Variants in SLC17A5 observed in about 807,000 individuals in gnomAD.
SLC17A5 encodes sialin.
In SLC17A5, 47 loss-of-function variants were observed where a neutral mutation model predicts 59.4. That is an observed-to-expected ratio of 0.79 (90% CI 0.63 to 1.01). SLC17A5 has a LOEUF of 1.01. SLC17A5 is among the 50% of genes least tolerant of loss of function. The probability of loss-of-function intolerance (pLI) is 0.00; values close to 1 mark genes in which losing one functional copy is unlikely to be tolerated. For synonymous variants in SLC17A5, 202 were observed against 210.7 expected, an observed-to-expected ratio of 0.96 and a Z score of 0.36; for missense variants, 522 against 595.5, an observed-to-expected ratio of 0.88 and a Z score of 1.28.
chr6:73,618,621 G>A, intron 7 of SLC17A5: 1 of 441,158 alleles, frequency 2.3e-6, no homozygotes, highest in Non-Finnish European at 4.3e-6. Context: ...CAAGATGAGT[G>A]GAAAACCATC....
chr6:73,608,818 C>G (rs13207097), intron 9 of SLC17A5, among the ~76,000 whole-genome samples: 2 of 152,076 alleles, frequency 1.3e-5, no homozygotes, highest in Non-Finnish European at 2.9e-5. Context: ...GAGACTGAGA[C>G]CACCCTGGGC....
At chr6:73,623,855 G>A (rs142660268) in intron 6 of SLC17A5, among the ~76,000 whole-genome samples, 78 of 151,532 alleles carry the variant, frequency 5.1e-4, no homozygotes, top group African/African-American at 1.8e-3. Flanking sequence ...GTGCCACCAT[G>A]TCTGGCAAAT....
Position 73,635,531 on chromosome 6 carries a change from A to G in SLC17A5, c.701-31T>C, listed in dbSNP as rs113106359. On this transcript the variant is annotated intron_variant, in intron 5 of 10. Transcript: ENST00000355773. ...AATAGAAAAATAATAGTTAGATAAAATTAGAATGTACCAAATAACAAACAA... is the reference window on the plus strand; with the variant it reads ...AATAGAAAAATAATAGTTAGATAAAGTTAGAATGTACCAAATAACAAACAA... The G allele has an allele frequency of 7.7e-5, 83 of 1,083,604 alleles. No homozygotes were observed. In the African/African-American group the frequency reaches 1.2e-3, roughly 16 times the overall value. The allele number at this position is 1,083,604 out of a possible 1,614,324, so 67.1% of individuals were successfully genotyped here. A position where few individuals can be genotyped will look rare whatever the true frequency, so the allele number is the denominator to read the frequency against.
At chr6:73,629,759 G>A (rs1768608174) in intron 6 of SLC17A5, among the ~76,000 whole-genome samples, 1 of 151,820 alleles carries the variant, frequency 6.6e-6, no homozygotes, top group Non-Finnish European at 1.5e-5. Context: ...TGGGCAACAA[G>A]AGAACAAGAG....
chr6:73,636,735 A>T, intron 4 of SLC17A5, 28 bp from the exon 5 acceptor site: 2 of 1,515,954 alleles, frequency 1.3e-6, no homozygotes, highest in Non-Finnish European at 1.8e-6. Flanking sequence ...ACTATTTTAT[A>T]AACTTTGGAG....
At chr6:73,653,270 T>A (rs1769952373) in intron 1 of SLC17A5, 7 of 985,382 alleles carry the variant, frequency 7.1e-6, no homozygotes, top group Non-Finnish European at 8.4e-6. Context: ...AGCTACCAGG[T>A]CACATGCTGG....
At chr6:73,611,486 GC>G (rs1408582326) in intron 8 of SLC17A5, among the ~76,000 whole-genome samples, 7 of 151,920 alleles carry the variant, frequency 4.6e-5, no homozygotes, top group Non-Finnish European at 8.8e-5. Context: ...CGCCATGTTG[GC>G]CAGGCCGTTC....
At chr6:73,611,243 G>A (rs1048834771) in intron 8 of SLC17A5, among the ~76,000 whole-genome samples, 1 of 152,068 alleles carries the variant, frequency 6.6e-6, no homozygotes, top group African/African-American at 2.4e-5. Context: ...GCAAGACCTT[G>A]TTTCTTAAAA....
At chr6:73,597,503 G>A (rs1332100365) in intron 10 of SLC17A5, among the ~76,000 whole-genome samples, 2 of 151,378 alleles carry the variant, frequency 1.3e-5, no homozygotes, top group Non-Finnish European at 2.9e-5. Context: ...AAACCAAGCA[G>A]GCCAGGCATG....
intron 2 of SLC17A5, among the ~76,000 whole-genome samples, chr6:73,643,729 A>T (rs142245493): frequency 1.3e-5 from 2 of 152,094 alleles, no homozygotes; most frequent in African/African-American, 4.8e-5. Flanking sequence ...CACCTGCCTC[A>T]GCCTCCTAAA....
chr6:73,595,161 A>G lies in SLC17A5; in HGVS notation c.1404T>C (p.Val468=). ...ATAGTGTAAAGAAAATGGCACCAAA[A>G]ACATTAATAGCAGCAGCAATATAGA... ...TVFYIAAAIN[V]FGAIFFTLFA... Residue 468 remains valine (V), a synonymous_variant, in exon 11 of 11, where the codon GTT becomes GTC. Coordinates refer to ENST00000355773, the MANE Select transcript of SLC17A5 (RefSeq NM_012434.5). 1 of 1,614,152 alleles carries G rather than the reference A, an allele frequency of 6.2e-7. No homozygotes were observed. The highest frequency in any genetic ancestry group is 1.1e-5 in the South Asian group (1 of 91,076).
intron 1 of SLC17A5, among the ~76,000 whole-genome samples, chr6:73,649,855 G>A (rs1288135430): frequency 6.6e-6 from 1 of 152,130 alleles, no homozygotes; most frequent in Non-Finnish European, 1.5e-5. Flanking sequence ...AGAAATTGTT[G>A]AAGAGAGTGG....
intron 6 of SLC17A5, 36 bp from the exon 7 acceptor site, chr6:73,621,998 CTA>C: frequency 6.3e-7 from 1 of 1,599,234 alleles, no homozygotes; most frequent in Non-Finnish European, 8.6e-7. Flanking sequence ...TAAACTACGG[CTA>C]TGTTAATGCT....
chr6:73,595,906 ATATATATAC>A (rs1332162849), intron 10 of SLC17A5, among the ~76,000 whole-genome samples: 7 of 610 alleles, frequency 0.011, no homozygotes, highest in Non-Finnish European at 0.017. Context: ...ATATATATGT[ATATATATAC>A]GTATATATAT....
chr6:73,635,844 A>C (rs972030823), intron 5 of SLC17A5, among the ~76,000 whole-genome samples: 3 of 151,732 alleles, frequency 2.0e-5, no homozygotes, highest in Non-Finnish European at 4.4e-5. Flanking sequence ...GGGTTCAAGC[A>C]ACTCTACTGT....
intron 10 of SLC17A5, among the ~76,000 whole-genome samples, chr6:73,597,656 A>G (rs1766877847): frequency 1.3e-5 from 2 of 151,702 alleles, no homozygotes; most frequent in Admixed American, 1.3e-4. Flanking sequence ...ATGGTAGTGT[A>G]CATCTGTAGT....
intron 7 of SLC17A5, among the ~76,000 whole-genome samples, chr6:73,617,081 G>A (rs1397985473): frequency 4.0e-5 from 6 of 151,312 alleles, no homozygotes; most frequent in East Asian, 3.9e-4. Flanking sequence ...ACTTGAGGAC[G>A]GGGCTCAAGA....
intron 8 of SLC17A5, among the ~76,000 whole-genome samples, chr6:73,614,037 G>C (rs373092339): frequency 3.9e-5 from 6 of 152,176 alleles, no homozygotes; most frequent in Non-Finnish European, 5.9e-5. Flanking sequence ...AGGCCAAGGC[G>C]GGCAGATGAC....
intron 7 of SLC17A5, among the ~76,000 whole-genome samples, chr6:73,617,169 TA>T (rs1767911691): frequency 6.6e-6 from 1 of 151,974 alleles, no homozygotes; most frequent in Admixed American, 6.6e-5. Flanking sequence ...TACATGACTG[TA>T]ATCCCAGTTA....
Sources: gnomAD v4.1 joint callset for allele counts (sites outside exome capture counted in the v4.1 genomes callset) on GRCh38, gnomAD v4.1.1 for gene constraint, MANE v1.5 for transcripts, NCBI Gene and HGNC (gene_info 2026-07-23, HGNC 2026-07-21) for gene names.